Variants in PUF60 observed in about 807,000 individuals in gnomAD.
The protein encoded by PUF60 is poly(U)-binding-splicing factor PUF60.
PUF60 carries 10 observed loss-of-function variants against 61.8 expected under a neutral mutation model. The ratio of observed to expected loss-of-function variants is 0.16; its 90% CI spans 0.10 to 0.27. PUF60 has a LOEUF of 0.27. Ranked by LOEUF, PUF60 falls within the 10% of genes least tolerant of loss-of-function variation. The pLI is 1.00. For synonymous variants in PUF60, 353 were observed against 300.9 expected (o/e 1.17, Z -1.79); for missense variants, 371 against 754.0 (o/e 0.49, Z 5.95).
chr8:143,827,331 G>C (rs1314271892), intron 1 of PUF60: 6 of 455,852 alleles, frequency 1.3e-5, no homozygotes, highest in Middle Eastern at 3.2e-4. Context: ...CTGGCTGTCA[G>C]TGAAGAGAAC....
chr8:143,829,074 T>A (rs2130475987), intron 1 of PUF60: 1 of 1,060,638 alleles, frequency 9.4e-7, no homozygotes, highest in South Asian at 4.4e-5. Flanking sequence ...GAAGCTGGGG[T>A]CCGCAGGCCG....
At chr8:143,820,610 C>A in intron 5 of PUF60, 56 bp downstream of exon 5, 1 of 1,559,818 alleles carries the variant, frequency 6.4e-7, no homozygotes, top group Non-Finnish European at 8.8e-7. Context: ...TGCACTGCCC[C>A]CCTCTAGCCC....
At chr8:143,823,873 G>C (rs1164283645) in intron 2 of PUF60, among the ~76,000 whole-genome samples, 1 of 152,270 alleles carries the variant, frequency 6.6e-6, no homozygotes, top group Non-Finnish European at 1.5e-5. Flanking sequence ...TTTGACTTGC[G>C]CATTGCTTCA....
chr8:143,818,128 A>G lies in PUF60; in HGVS notation c.604-53T>C. 1 of 1,602,796 alleles carries G rather than the reference A, an allele frequency of 6.2e-7. No homozygotes were observed. ...ACCGGTCAACCCAGGCCCGGCCACA[A>G]AAGGCTTCCGTGGAGGGGCAGCCCT... On this transcript the variant is annotated intron_variant, in intron 7 of 11. Coordinates refer to ENST00000526683, the MANE Select transcript of PUF60 (RefSeq NM_078480.3). The surrounding 1 kb of genome is among the most constrained non-coding windows in gnomAD (Gnocchi z 7.9).
rs116023236 is a variant in PUF60 at position 143,823,767 on chromosome 8, G to C, written c.111+546C>G. 6.5e-3 allele frequency among the ~76,000 whole-genome samples: 986 copies of C among 152,354 alleles called. 12 individuals are homozygous for C. The highest frequency in any genetic ancestry group is 0.023 in the African/African-American group (936 of 41,574). On this transcript the variant is annotated intron_variant, in intron 2 of 11. Transcript: ENST00000526683. The stretch of plus-strand genomic sequence containing the variant: ...ACCTCTGAGAGGACCTGCTCCCAAG[G>C]CTGGGCCATCGAACAGACCAAGACC...
intron 1 of PUF60, among the ~76,000 whole-genome samples, chr8:143,826,724 CA>C (rs2130426408): frequency 6.6e-6 from 1 of 151,444 alleles, no homozygotes; most frequent in African/African-American, 2.4e-5. Context: ...GTCTCACACA[CA>C]AAAAGAAAAA....
chr8:143,816,350 A>G lies in PUF60; in HGVS notation c.*170T>C. On this transcript the variant is annotated 3_prime_UTR_variant, in exon 12 of 12. Coordinates refer to ENST00000526683, the MANE Select transcript of PUF60 (RefSeq NM_078480.3). Reference sequence around the variant, plus strand: ...TAAGGACACACGCCCAGGATCGGTGACAGGACCGACGGCAGACACACGGAC... The same window carrying G: ...TAAGGACACACGCCCAGGATCGGTGGCAGGACCGACGGCAGACACACGGAC... 1 of 726,094 alleles carries G rather than the reference A, an allele frequency of 1.4e-6. No individual in the cohort carries two copies. Among genetic ancestry groups the G allele is most frequent in the Non-Finnish European group, 2.2e-6 (1 of 452,536 alleles). The allele number at this position is 726,094 out of a possible 1,614,324, so 45.0% of individuals were successfully genotyped here.
Position 143,829,178 on chromosome 8 carries a change from G to A in PUF60, c.24+102C>T, listed in dbSNP as rs1245308217. 42 of 1,226,116 alleles carry A rather than the reference G, an allele frequency of 3.4e-5. No individual in the cohort carries two copies. The African/African-American group carries it at 4.7e-4, about 14-fold the overall frequency. The allele number at this position is 1,226,116 out of a possible 1,614,324, so 76.0% of individuals were successfully genotyped here. On this transcript the variant is annotated intron_variant, in intron 1 of 11. Transcript: ENST00000526683. ...ACGAGGGAGTCCGCGCGGGACCTGG[G>A]AAGACCGCCGCGTTCTTGGGAGGCC...
chr8:143,820,912 C>T (rs1003844856), intron 4 of PUF60, among the ~76,000 whole-genome samples, 196 bp from the exon 5 acceptor site: 3 of 152,170 alleles, frequency 2.0e-5, no homozygotes, highest in Non-Finnish European at 2.9e-5. Flanking sequence ...TGCAGCCTTG[C>T]AGCTGGGCCG....
rs1164586450 is a variant in PUF60, at chr8:143,816,407, C to T, written c.*113G>A. On this transcript the variant is annotated 3_prime_UTR_variant, in exon 12 of 12. Coordinates refer to ENST00000526683, the MANE Select transcript of PUF60 (RefSeq NM_078480.3). ...GGCCAGCAGCATCCGCACCTTTATC[C>T]GCACTGTAGGCTGGGCTGGGCAGAG... The T allele has an allele frequency of 1.2e-5, 15 of 1,235,862 alleles. No individual in the cohort carries two copies. The highest frequency in any genetic ancestry group is 1.2e-4 in the South Asian group (8 of 66,208). 76.6% of individuals were successfully genotyped at this position (1,235,862 alleles called of 1,614,324 possible).
intron 5 of PUF60, among the ~76,000 whole-genome samples, chr8:143,819,316 T>A (rs1318976939): frequency 6.6e-6 from 1 of 152,084 alleles, no homozygotes; most frequent in Non-Finnish European, 1.5e-5. Context: ...TGAGCTTGGC[T>A]ATTGCGCTGA....
chr8:143,816,678 C>T lies in PUF60; in HGVS notation c.1522G>A (p.Asp508Asn). 1.9e-6 allele frequency: 3 copies of T among 1,613,920 alleles called. No homozygotes were observed. The highest frequency in any genetic ancestry group is 1.3e-5 in the African/African-American group (1 of 75,056). Residue 508 changes from aspartate to asparagine, a missense_variant, in exon 12 of 12, where the codon GAT becomes AAT. By Grantham distance (23) the Asp-to-Asn change is conservative (BLOSUM62 1). Around this residue, in one of 13 missense-constraint regions of PUF60, gnomAD observed 38 missense variants for 112.9 expected, o/e 0.34. Transcript: ENST00000526683. ...IYQEKQGEEE[D>N]AEIIVKIFVE... ...AAGATCTTGACAATGATTTCTGCAT[C>T]CTCCTCCTCGCCTTGTTTCTCTTGG...
chr8:143,825,788 C>T (rs1314791133), intron 1 of PUF60, among the ~76,000 whole-genome samples: 1 of 152,234 alleles, frequency 6.6e-6, no homozygotes. Flanking sequence ...TCATTGCCCA[C>T]AGCAAGAGAT....
chr8:143,824,628 A>T (rs115093686), intron 1 of PUF60, among the ~76,000 whole-genome samples: 137 of 152,350 alleles, frequency 9.0e-4, no homozygotes, highest in African/African-American at 2.8e-3. Context: ...CAGGGCTGCC[A>T]GCGAGTCCCA....
rs953353163 is a variant in PUF60 at position 143,824,246 on chromosome 8, A to ACAGG, written c.111+63_111+66dup. 9.4e-5 allele frequency: 138 copies of ACAGG among 1,470,560 alleles called. 1 individual carries two copies. The East Asian group carries it at 1.2e-3, about 13-fold the overall frequency. 91.1% of individuals were successfully genotyped at this position (1,470,560 alleles called of 1,614,324 possible). A position where few individuals can be genotyped will look rare whatever the true frequency, so the allele number is the denominator to read the frequency against. On this transcript the variant is annotated intron_variant, in intron 2 of 11. Coordinates refer to ENST00000526683, the MANE Select transcript of PUF60 (RefSeq NM_078480.3). ...CAGCCCTCTCTGGGCCCAGGGACGC[A>ACAGG]CAGGCAGGCGGGCGGGCGGGCGGGC...
At chr8:143,826,463 C>G (rs979784194) in intron 1 of PUF60, among the ~76,000 whole-genome samples, 15 of 152,304 alleles carry the variant, frequency 9.8e-5, no homozygotes, top group African/African-American at 3.1e-4. Flanking sequence ...GCCTGTAATC[C>G]CAGCACTTTG....
At chr8:143,822,803 G>A (rs1817172140) in intron 2 of PUF60, 1 of 343,396 alleles carries the variant, frequency 2.9e-6, no homozygotes, top group African/African-American at 2.2e-5. Context: ...AGTGTGGGAT[G>A]GGCAAACAGC....
In PUF60 at chr8:143,816,395, C is replaced by A. The variant is rs985139327; in HGVS notation, c.*125G>T. On this transcript the variant is annotated 3_prime_UTR_variant, in exon 12 of 12. Transcript: ENST00000526683. ...ACGGACGTTCAGGGCCAGCAGCATC[C>A]GCACCTTTATCCGCACTGTAGGCTG... 1.9e-5 allele frequency: 21 copies of A among 1,115,430 alleles called. No homozygotes were observed. Among genetic ancestry groups the A allele is most frequent in the Admixed American group, 2.8e-5 (1 of 35,834 alleles). 69.1% of individuals were successfully genotyped at this position (1,115,430 alleles called of 1,614,324 possible).
At chr8:143,825,485 G>A (rs1817538888) in intron 1 of PUF60, among the ~76,000 whole-genome samples, 1 of 152,196 alleles carries the variant, frequency 6.6e-6, no homozygotes, top group East Asian at 1.9e-4. Flanking sequence ...AAGGAAACAA[G>A]GGGCCCCTCC....
Sources: allele counts gnomAD v4.1 joint callset (sites outside exome capture counted in the v4.1 genomes callset), GRCh38; gene constraint gnomAD v4.1.1; regional missense constraint gnomAD v4.1.1; non-coding constraint Gnocchi (gnomAD v3.1); transcripts MANE v1.5; gene names NCBI Gene and HGNC (gene_info 2026-07-23, HGNC 2026-07-21).